The following UBE2E2 variants were observed in gnomAD, a reference collection of about 807,000 sequenced individuals.
UBE2E2 encodes the protein ubiquitin conjugating enzyme E2 E2, also known as ubiquitin-conjugating enzyme E2 E2.
A neutral mutation model predicts 24.7 loss-of-function variants in UBE2E2; 6 were observed. The ratio of observed to expected loss-of-function variants is 0.24; its 90% CI spans 0.13 to 0.48. The LOEUF is 0.48. UBE2E2 is among the 20% of genes least tolerant of loss of function. The pLI, the probability that UBE2E2 is intolerant of heterozygous loss-of-function variation, is 0.99. For synonymous variants in UBE2E2, 104 were observed against 83.6 expected, an observed-to-expected ratio of 1.24 and a Z score of -1.33; for missense variants, 169 against 245.0, an observed-to-expected ratio of 0.69 and a Z score of 2.07.
intron 3 of UBE2E2, among the ~76,000 whole-genome samples, chr3:23,420,985 C>T (rs1165845031): frequency 6.6e-6 from 1 of 152,180 alleles, no homozygotes. Flanking sequence ...CTTTTACTCT[C>T]AAATCATAAA....
intron 3 of UBE2E2, among the ~76,000 whole-genome samples, chr3:23,218,723 C>T (rs1227235175): frequency 6.6e-6 from 1 of 151,968 alleles, no homozygotes; most frequent in Non-Finnish European, 1.5e-5. Context: ...GTTTAAGGCT[C>T]ATTTTTAATA....
chr3:23,313,524 A>G (rs994072893), intron 3 of UBE2E2, among the ~76,000 whole-genome samples: 1 of 150,808 alleles, frequency 6.6e-6, no homozygotes, highest in Non-Finnish European at 1.5e-5. Context: ...AGCTGGGATT[A>G]CAGGCGCATA....
At chr3:23,461,564 T>A (rs1352238529) in intron 3 of UBE2E2, among the ~76,000 whole-genome samples, 4 of 152,168 alleles carry the variant, frequency 2.6e-5, no homozygotes, top group Admixed American at 2.6e-4. Flanking sequence ...TCTAGACCAT[T>A]GTTCTCCCAG....
intron 2 of UBE2E2, among the ~76,000 whole-genome samples, chr3:23,213,250 CAT>C (rs1033343250): frequency 6.6e-6 from 1 of 152,078 alleles, no homozygotes; most frequent in Non-Finnish European, 1.5e-5. Context: ...GTGTTTTAAA[CAT>C]GTTAGTACAT....
chr3:23,400,981 T>A (rs1697208725), intron 3 of UBE2E2, among the ~76,000 whole-genome samples: 1 of 152,236 alleles, frequency 6.6e-6, no homozygotes, highest in African/African-American at 2.4e-5. Flanking sequence ...GATGTGAAGA[T>A]GTGCTCTGTA....
chr3:23,504,557 A>C (rs1249951412), intron 4 of UBE2E2, among the ~76,000 whole-genome samples: 1 of 148,832 alleles, frequency 6.7e-6, no homozygotes, highest in Non-Finnish European at 1.5e-5. Context: ...CGTGACCATC[A>C]ACATGACAGT....
chr3:23,453,507 CTT>C (rs1287585264), intron 3 of UBE2E2, among the ~76,000 whole-genome samples: 1 of 152,118 alleles, frequency 6.6e-6, no homozygotes, highest in African/African-American at 2.4e-5. Flanking sequence ...CCTACTTTCT[CTT>C]TCCACATATT....
rs149062878 is a variant in UBE2E2 at position 23,293,189 on chromosome 3, C to T, written c.227+75877C>T. ...AGCTGCTTCATCAATATCATCCTAA[C>T]GTTAGTCGTTGTGTGGACAGCAACA... is the stretch of plus-strand genomic sequence containing the variant. On this transcript the variant is annotated intron_variant, in intron 3 of 5. Coordinates refer to ENST00000396703, the MANE Select transcript of UBE2E2 (RefSeq NM_152653.4). 5.1e-3 allele frequency among the ~76,000 whole-genome samples: 778 copies of T among 152,360 alleles called. 7 individuals carry two copies. The highest frequency in any genetic ancestry group is 8.4e-3 in the Non-Finnish European group (573 of 68,034).
At chr3:23,408,938 A>C (rs958860272) in intron 3 of UBE2E2, among the ~76,000 whole-genome samples, 1 of 152,146 alleles carries the variant, frequency 6.6e-6, no homozygotes, top group Non-Finnish European at 1.5e-5. Context: ...CTTGTATTTG[A>C]ATAATGCTTA....
chr3:23,229,903 A>T (rs1341749379), intron 3 of UBE2E2, among the ~76,000 whole-genome samples: 2 of 152,232 alleles, frequency 1.3e-5, no homozygotes, highest in East Asian at 3.8e-4. Context: ...ATAGATCTAG[A>T]AAAATAGCTT....
At chr3:23,404,127 T>G (rs9843539) in intron 3 of UBE2E2, among the ~76,000 whole-genome samples, 6,912 of 152,246 alleles carry the variant, frequency 0.045, 538 homozygotes, top group African/African-American at 0.16. Context: ...GAGAAGGGTT[T>G]TGGATTACAC....
At chr3:23,571,600 T>C (rs1186339195) in intron 5 of UBE2E2, among the ~76,000 whole-genome samples, 1 of 152,268 alleles carries the variant, frequency 6.6e-6, no homozygotes, top group Non-Finnish European at 1.5e-5. Flanking sequence ...TGCTCCCTTC[T>C]TGATAGGACA....
chr3:23,304,458 A>G (rs1464571779), intron 3 of UBE2E2, among the ~76,000 whole-genome samples: 1 of 152,206 alleles, frequency 6.6e-6, no homozygotes, highest in East Asian at 1.9e-4. Context: ...ACTCATGTTA[A>G]TGTAAATATA....
chr3:23,468,242 C>G (rs530801605), intron 3 of UBE2E2, among the ~76,000 whole-genome samples: 1 of 152,276 alleles, frequency 6.6e-6, no homozygotes, highest in South Asian at 2.1e-4. Flanking sequence ...TCAGTCTTTA[C>G]TGTTGTTTTC....
intron 3 of UBE2E2, among the ~76,000 whole-genome samples, chr3:23,242,159 A>G (rs1246500462): frequency 6.6e-6 from 1 of 151,414 alleles, no homozygotes; most frequent in African/African-American, 2.4e-5. Context: ...TCCTGCCTTG[A>G]CCTCCCAAAT....
At chr3:23,203,149 A>T, upstream of UBE2E2, 1 of 983,744 alleles carries the variant, frequency 1.0e-6, no homozygotes, top group Non-Finnish European at 1.2e-6. Flanking sequence ...CGGCTCCCGG[A>T]GGTGGTGGCT....
intron 3 of UBE2E2, among the ~76,000 whole-genome samples, chr3:23,435,242 C>T (rs143177501): frequency 6.6e-6 from 1 of 152,326 alleles, no homozygotes; most frequent in African/African-American, 2.4e-5. Context: ...TTAGTAGAAT[C>T]AGTCATGAGT....
intron 3 of UBE2E2, among the ~76,000 whole-genome samples, chr3:23,305,325 G>A (rs1035723123): frequency 1.3e-5 from 2 of 152,174 alleles, no homozygotes; most frequent in Non-Finnish European, 2.9e-5. Flanking sequence ...TCGTATTTAG[G>A]TATGCAGTAG....
At chr3:23,423,668 T>C (rs7627525) in intron 3 of UBE2E2, among the ~76,000 whole-genome samples, 27,570 of 152,234 alleles carry the variant, frequency 0.18, 3,115 homozygotes, top group African/African-American at 0.32. Flanking sequence ...AGATCAGTGA[T>C]TGTAATAGGT....
Sources: gnomAD v4.1 joint callset for allele counts (sites outside exome capture counted in the v4.1 genomes callset) on GRCh38, gnomAD v4.1.1 for gene constraint, MANE v1.5 for transcripts, NCBI Gene and HGNC (gene_info 2026-07-23, HGNC 2026-07-21) for gene names.